Variants in TTN observed in about 807,000 individuals in gnomAD.
TTN encodes titin, also known as connectin.
Under a neutral mutation model 3,223.0 loss-of-function variants are expected in TTN, and 1,525 were observed. The observed-to-expected ratio is 0.47, with a 90% CI of 0.45 to 0.49. The LOEUF (loss-of-function observed/expected upper bound fraction) is 0.49, where lower values mean the gene tolerates loss of function less well. Ranked by LOEUF, TTN falls within the 20% of genes least tolerant of loss-of-function variation. The pLI, the probability that TTN is intolerant of heterozygous loss-of-function variation, is 0.00. For synonymous variants in TTN, 14,094 were observed against 15,161.0 expected (o/e 0.93, Z 5.17); for missense variants, 40,786 against 43,424.0 (o/e 0.94, Z 5.40).
Position 178,588,922 on chromosome 2 carries a change from T to C in TTN, c.62803A>G (p.Ile20935Val), listed in dbSNP as rs1249633842. 3 of 1,612,864 alleles carry C rather than the reference T, an allele frequency of 1.9e-6. No homozygotes were observed. Among genetic ancestry groups the C allele is most frequent in the Non-Finnish European group, 2.5e-6 (3 of 1,179,498 alleles). Residue 20935 changes from isoleucine (I) to valine (V), a missense_variant, in exon 304 of 363, where the codon ATT becomes GTT. Physicochemically the swap from Ile to Val is conservative, Grantham distance 29 (BLOSUM62 3). Coordinates refer to ENST00000589042, the MANE Select transcript of TTN (RefSeq NM_001267550.2). ...TTATTTTCTGCACGGACTCTGAAAA[T>C]ATATTCATTTCCTTCTATGAGACGT... ...VTRLIEGNEY[I>V]FRVRAENKIG...
chr2:178,720,751 G>T, intron 79 of TTN, 88 bp from the exon 80 acceptor site: 1 of 1,410,990 alleles, frequency 7.1e-7, no homozygotes, highest in Non-Finnish European at 9.4e-7. Flanking sequence ...AGAGTGACTG[G>T]TGTGATCATA....
intron 168 of TTN, 42 bp downstream of exon 168, chr2:178,664,418 C>A (rs775393903): frequency 6.1e-6 from 9 of 1,466,768 alleles, no homozygotes; most frequent in Non-Finnish European, 8.5e-6. Flanking sequence ...TTTCTATCGC[C>A]CCACCCACTA....
chr2:178,714,538 A>G lies in TTN; in HGVS notation c.26236T>C (p.Ser8746Pro). Reference protein sequence around the residue: ...PRFVKKLSDISTVVGKEVQLQ... With the variant: ...PRFVKKLSDIPTVVGKEVQLQ... ...TGAACTTCTTTACCAACGACAGTAG[A>G]TATGTCACTGAGCTTCTTCACAAAT... The change falls in exon 91 of 363, where the codon TCT (serine) becomes CCT (proline). Residue 8746 changes from serine (S) to proline (P), a missense_variant. Coordinates refer to ENST00000589042, the MANE Select transcript of TTN (RefSeq NM_001267550.2). 6.2e-7 allele frequency: 1 copy of G among 1,611,704 alleles called. No individual in the cohort carries two copies. The highest frequency in any genetic ancestry group is 1.1e-5 in the South Asian group (1 of 90,860).
rs1198490436 is a variant in TTN, at chr2:178,571,810, T to C, written c.74322A>G (p.Thr24774=). 2 of 1,613,544 alleles carry C rather than the reference T, an allele frequency of 1.2e-6. No individual in the cohort carries two copies. The highest frequency in any genetic ancestry group is 2.2e-5 in the South Asian group (2 of 91,072). The part of the protein sequence containing the change: ...AESTENNSLL[T]IKDACREDVG... ...CATCTTCTCGGCAGGCGTCCTTTAT[T>C]GTCAGTAGTGAATTATTTTCTGTGC... is the stretch of plus-strand genomic sequence containing the variant. The change falls in exon 326 of 363, where the codon ACA becomes ACG. Residue 24774 remains threonine (T), a synonymous_variant. Coordinates refer to ENST00000589042, the MANE Select transcript of TTN (RefSeq NM_001267550.2).
intron 218 of TTN, among the ~76,000 whole-genome samples, chr2:178,643,452 T>C (rs374689454): frequency 2.0e-5 from 3 of 151,948 alleles, no homozygotes; most frequent in African/African-American, 7.2e-5. Flanking sequence ...TTCAATACTA[T>C]TTTAGAGGTA....
Position 178,594,384 on chromosome 2 carries a change from T to C in TTN, c.58110A>G (p.Pro19370=). Residue 19370 remains proline, a synonymous_variant, in exon 296 of 363, where the codon CCA becomes CCG. Coordinates refer to ENST00000589042, the MANE Select transcript of TTN (RefSeq NM_001267550.2). ...AAGTAATTGGTTTGGTGCAAAATGA[T>C]GGTTTGCCTTGTCCAACAATGTTGA... The part of the protein sequence containing the change: ...SAVNIVGQGK[P]SFCTKPITCK... 1 of 1,600,474 alleles carries C rather than the reference T, an allele frequency of 6.2e-7. No homozygotes were observed. Among genetic ancestry groups the C allele is most frequent in the Non-Finnish European group, 8.5e-7 (1 of 1,173,104 alleles).
At position 178,672,234 on chromosome 2, in the gene TTN, G is replaced by T; in HGVS notation, c.34964C>A (p.Ala11655Asp). The change falls in exon 155 of 363, where the codon GCC becomes GAC. Residue 11655 changes from alanine (A) to aspartate (D), a missense_variant. Transcript: ENST00000589042. ...TTTTACTACTACTTCTTGGCGGAAG[G>T]CAACTGATACTTTTTCTTCAAGGAC... ...RTVLEEKVSV[A>D]FRQEVVVKER... is the part of the protein sequence containing the mutation. 3 of 1,568,624 alleles carry T rather than the reference G, an allele frequency of 1.9e-6. No individual in the cohort carries two copies. Among genetic ancestry groups the T allele is most frequent in the Non-Finnish European group, 2.6e-6 (3 of 1,155,898 alleles).
intron 47 of TTN, chr2:178,749,373 T>G: frequency 1.2e-6 from 2 of 1,613,144 alleles, no homozygotes; most frequent in Non-Finnish European, 1.7e-6. Flanking sequence ...ATTTTTATGG[T>G]TCTTGAAGCA....
At chr2:178,762,016 C>T (rs2089334380) in intron 43 of TTN, among the ~76,000 whole-genome samples, 1 of 152,116 alleles carries the variant, frequency 6.6e-6, no homozygotes, top group Non-Finnish European at 1.5e-5. Context: ...GTAACATTTT[C>T]GCTGTTAGAA....
chr2:178,573,471 C>A lies in TTN; in HGVS notation c.72661G>T (p.Gly24221Ter). Reference sequence around the variant, plus strand: ...GGGTTTTTGGGCGGATCAGGGGGTCCATAAGGATTCACTGCAAGCACAGGC... The same window carrying A: ...GGGTTTTTGGGCGGATCAGGGGGTCAATAAGGATTCACTGCAAGCACAGGC... The part of the protein sequence containing the change: ...SEPVLAVNPY[G>*]PPDPPKNPEV... Residue 24221 changes from glycine to a stop codon, truncating the protein, a stop_gained, in exon 326 of 363, where the codon GGA becomes TGA. Coordinates refer to ENST00000589042, the MANE Select transcript of TTN (RefSeq NM_001267550.2). LOFTEE classifies it high-confidence loss of function. 6.6e-7 allele frequency: 1 copy of A among 1,509,820 alleles called. No homozygotes were observed. Among genetic ancestry groups the A allele is most frequent in the Non-Finnish European group, 8.8e-7 (1 of 1,133,318 alleles). 93.5% of individuals were successfully genotyped at this position (1,509,820 alleles called of 1,614,324 possible). A position where few individuals can be genotyped will look rare whatever the true frequency, so the allele number is the denominator to read the frequency against.
At position 178,591,803 on chromosome 2, in the gene TTN, C is replaced by A; in HGVS notation, c.60016G>T (p.Gly20006Cys). ...LVWNKPDRDG[G>C]SPITGYLVEY... ...ACCAAATATCCAGTGATTGGAGAAC[C>A]ACCATCACGATCCGGCTTATTCCAG... Residue 20006 changes from glycine (G) to cysteine (C), a missense_variant, in exon 303 of 363, where the codon GGT becomes TGT. Coordinates refer to ENST00000589042, the MANE Select transcript of TTN (RefSeq NM_001267550.2). 6.2e-7 allele frequency: 1 copy of A among 1,613,298 alleles called. No homozygotes were observed. Among genetic ancestry groups the A allele is most frequent in the Non-Finnish European group, 8.5e-7 (1 of 1,179,578 alleles).
In TTN at chr2:178,649,226, A is replaced by AT. The variant is rs1269417661; in HGVS notation, c.40057+21dup. 5 of 1,482,996 alleles carry AT rather than the reference A, an allele frequency of 3.4e-6. No homozygotes were observed. In the Middle Eastern group the frequency reaches 5.2e-4, roughly 155 times the overall value. The allele number at this position is 1,482,996 out of a possible 1,614,324, so 91.9% of individuals were successfully genotyped here. ...GCTTAAATAGCAGTTAGAGAAATCT[A>AT]TTTTTTCTTCATGGTAGGTACCTTT... On this transcript the variant is annotated intron_variant, in intron 213 of 362. Coordinates refer to ENST00000589042, the MANE Select transcript of TTN (RefSeq NM_001267550.2).
At position 178,568,061 on chromosome 2, in the gene TTN, C is replaced by T. The variant is rs767272004; in HGVS notation, c.78071G>A (p.Gly26024Asp). 6 of 1,613,324 alleles carry T rather than the reference C, an allele frequency of 3.7e-6. No individual in the cohort carries two copies. In the Admixed American group the frequency reaches 8.3e-5, roughly 22 times the overall value. ...PVNNGGSPVI[G>D]YHLERKERNS... ...TCTTTCTTTTCTCTCCAGGTGGTAA[C>T]CTATGACGGGGCTTCCACCATTGTT... The change falls in exon 326 of 363, where the codon GGT (glycine) becomes GAT (aspartate). Residue 26024 changes from glycine (G) to aspartate (D), a missense_variant. Gly to Asp is a moderately conservative substitution (Grantham distance 94). Coordinates refer to ENST00000589042, the MANE Select transcript of TTN (RefSeq NM_001267550.2).
chr2:178,675,298 G>A, intron 149 of TTN, 185 bp from the exon 150 acceptor site: 1 of 428,132 alleles, frequency 2.3e-6, no homozygotes, highest in South Asian at 6.4e-5. Flanking sequence ...TAAGATTTAG[G>A]GTTTATTAAA....
At chr2:178,778,168 T>C (rs1272008328) in intron 24 of TTN, 193 bp from the exon 25 acceptor site, 2 of 735,428 alleles carry the variant, frequency 2.7e-6, no homozygotes, top group African/African-American at 3.5e-5. Context: ...TTTTCCTATA[T>C]TCTCAATTTT....
Position 178,722,326 on chromosome 2 carries a change from G to A in TTN, c.22461C>T (p.Gly7487=), listed in dbSNP as rs538953927. The A allele has an allele frequency of 6.2e-7, 1 of 1,612,932 alleles. No homozygotes were observed. The highest frequency in any genetic ancestry group is 1.3e-5 in the African/African-American group (1 of 74,980). Residue 7487 remains glycine (G), a synonymous_variant, in exon 77 of 363, where the codon GGC becomes GGT. Transcript: ENST00000589042. The part of the protein sequence containing the change: ...KILQTDLSHS[G]QYSCSASNPL... ...GGTTGGAAGCTGAGCAAGAGTACTG[G>A]CCAGAGTGACTCAAGTCAGTTTGCA...
chr2:178,689,538 C>T lies in TTN; in HGVS notation c.31904G>A (p.Arg10635Lys). 6.2e-7 allele frequency: 1 copy of T among 1,610,346 alleles called. No individual in the cohort carries two copies. Among genetic ancestry groups the T allele is most frequent in the African/African-American group, 1.3e-5 (1 of 74,998 alleles). ...TEEKITIVTQ[R>K]EESPPPAVPE... Reference sequence around the variant, plus strand: ...ACCTGCTGGTGGTGGAGATTCCTCTCTTTGAGTTACAATGGTTATTTTTTC... The same window carrying T: ...ACCTGCTGGTGGTGGAGATTCCTCTTTTTGAGTTACAATGGTTATTTTTTC... Residue 10635 changes from arginine (R) to lysine (K), a missense_variant, in exon 123 of 363, where the codon AGA becomes AAA. Arg to Lys is a conservative substitution (Grantham distance 26). Coordinates refer to ENST00000589042, the MANE Select transcript of TTN (RefSeq NM_001267550.2).
At chr2:178,539,348 A>C (rs533451286) in intron 352 of TTN, 34 bp downstream of exon 352, 1 of 1,600,274 alleles carries the variant, frequency 6.2e-7, no homozygotes, top group African/African-American at 1.3e-5. Flanking sequence ...TGCTGAAATA[A>C]TGTTTATAAT....
In TTN at chr2:178,530,549, CT is replaced by C; in HGVS notation, c.106065del (p.Glu35356AsnfsTer49). On this transcript the variant is annotated frameshift_variant, in exon 358 of 363. Transcript: ENST00000589042. LOFTEE classifies it high-confidence loss of function. ...KINNLTESDQ[G>X]EYVCEISGEG... ...TCACCAGAAATCTCACAAACATATT[CT>C]CCTTGATCAGATTCAGTGAGGTTAT... The C allele has an allele frequency of 6.2e-7, 1 of 1,613,952 alleles. No homozygotes were observed.
Sources: gnomAD v4.1 joint callset for allele counts (sites outside exome capture counted in the v4.1 genomes callset) on GRCh38, gnomAD v4.1.1 for gene constraint, MANE v1.5 for transcripts, NCBI Gene and HGNC (gene_info 2026-07-23, HGNC 2026-07-21) for gene names.